MEGF11: variants seen among roughly 807,000 people sequenced by gnomAD.
MEGF11 encodes the protein multiple epidermal growth factor-like domains protein 11.
MEGF11 carries 126 observed loss-of-function variants against 146.6 expected under a neutral mutation model. The observed-to-expected ratio is 0.86, with a 90% CI of 0.74 to 1.00. The LOEUF (loss-of-function observed/expected upper bound fraction) is 1.00, where lower values mean the gene tolerates loss of function less well. Among genes scored for constraint, MEGF11 ranks in the 50% least tolerant of loss-of-function variants. The pLI is 0.00. For synonymous variants in MEGF11, 532 were observed against 583.4 expected, an observed-to-expected ratio of 0.91 and a Z score of 1.27; for missense variants, 1,509 against 1,521.2, an observed-to-expected ratio of 0.99 and a Z score of 0.13.
chr15:66,228,478 C>A (rs544675094), intron 1 of MEGF11, among the ~76,000 whole-genome samples: 1 of 152,168 alleles, frequency 6.6e-6, no homozygotes, highest in Non-Finnish European at 1.5e-5. Flanking sequence ...TGCACTCACA[C>A]ATGCACACAG....
intron 4 of MEGF11, among the ~76,000 whole-genome samples, chr15:66,105,683 A>C (rs8041596): frequency 6.6e-6 from 1 of 152,100 alleles, no homozygotes; most frequent in Non-Finnish European, 1.5e-5. Flanking sequence ...GGACTGAAGG[A>C]TGTTTGAGCC....
intron 10 of MEGF11, among the ~76,000 whole-genome samples, chr15:65,957,092 A>G (rs2080672736): frequency 6.6e-6 from 1 of 152,252 alleles, no homozygotes; most frequent in African/African-American, 2.4e-5. Flanking sequence ...ACTGGAAACA[A>G]TATTCAGCAG....
At chr15:66,148,275 T>G (rs1597121502) in intron 1 of MEGF11, among the ~76,000 whole-genome samples, 1 of 152,036 alleles carries the variant, frequency 6.6e-6, no homozygotes, top group African/African-American at 2.4e-5. Context: ...TTTAAAAGAT[T>G]GAACTGAAAA....
At chr15:66,069,654 T>G (rs1197999673) in intron 5 of MEGF11, among the ~76,000 whole-genome samples, 1 of 152,228 alleles carries the variant, frequency 6.6e-6, no homozygotes, top group African/African-American at 2.4e-5. Flanking sequence ...CTGCTACTGC[T>G]TCTATTATTA....
At chr15:66,140,530 C>T (rs934193612) in intron 1 of MEGF11, among the ~76,000 whole-genome samples, 12 of 152,160 alleles carry the variant, frequency 7.9e-5, no homozygotes, top group African/African-American at 2.7e-4. Context: ...GAAGGCAGGA[C>T]GCTTGCACCA....
intron 1 of MEGF11, among the ~76,000 whole-genome samples, chr15:66,220,678 C>CA (rs143519598): frequency 0.21 from 32,098 of 151,718 alleles, 3,850 homozygotes; most frequent in African/African-American, 0.33. Context: ...GCTGGGACTA[C>CA]AGGTGTGTGC....
intron 9 of MEGF11, among the ~76,000 whole-genome samples, chr15:65,964,239 G>C (rs2080975186): frequency 6.6e-6 from 1 of 152,272 alleles, no homozygotes; most frequent in Middle Eastern, 3.4e-3. Context: ...TTGGAAGTGG[G>C]GGGTGGAGGG....
rs1243958090 is a variant in MEGF11, at chr15:65,957,766, G to A, written c.1113-45C>T. The A allele has an allele frequency of 1.9e-6, 3 of 1,595,230 alleles. No individual in the cohort carries two copies. In the African/African-American group the frequency reaches 4.0e-5, roughly 21 times the overall value. On this transcript the variant is annotated intron_variant, in intron 9 of 25. Coordinates refer to ENST00000395614, the MANE Select transcript of MEGF11 (RefSeq NM_001385028.1). Reference sequence around the variant, plus strand: ...GTGAGAAGACAGCTTGTTCTGGGAAGCAGCCATGTCCCCGCCCTCTGTCTA... The same window carrying A: ...GTGAGAAGACAGCTTGTTCTGGGAAACAGCCATGTCCCCGCCCTCTGTCTA...
In MEGF11 at chr15:65,982,521, C is replaced by A. The variant is rs749974533; in HGVS notation, c.395-33G>T. 3 of 1,445,076 alleles carry A rather than the reference C, an allele frequency of 2.1e-6. No individual in the cohort carries two copies. In the East Asian group the frequency reaches 7.7e-5, roughly 37 times the overall value. The allele number at this position is 1,445,076 out of a possible 1,614,324, so 89.5% of individuals were successfully genotyped here. On this transcript the variant is annotated intron_variant, in intron 5 of 25. Transcript: ENST00000395614. This position sits in a 1 kb window ranked among gnomAD's most constrained non-coding sequence, Gnocchi z 5.6. ...AGACGGGACAGTCAGGGATCAGGAG[C>A]CCCGAAGGCTCTCCTTGGGGCAGGG...
At chr15:65,930,990 G>T (rs1467164631) in intron 10 of MEGF11, 47 bp from the exon 11 acceptor site, 1 of 1,492,452 alleles carries the variant, frequency 6.7e-7, no homozygotes, top group Non-Finnish European at 9.0e-7. Context: ...GCTCCATGTT[G>T]GATGGCTGTG....
chr15:66,054,301 G>C (rs930450808), intron 5 of MEGF11, among the ~76,000 whole-genome samples: 1 of 152,134 alleles, frequency 6.6e-6, no homozygotes, highest in Non-Finnish European at 1.5e-5. Context: ...GTCCCCTCTT[G>C]GTTTAAAATT....
chr15:65,990,250 T>A (rs1221117892), intron 5 of MEGF11, among the ~76,000 whole-genome samples: 1 of 151,896 alleles, frequency 6.6e-6, no homozygotes, highest in Non-Finnish European at 1.5e-5. Context: ...GCCAAAGATG[T>A]CCCCATTCAG....
intron 9 of MEGF11, among the ~76,000 whole-genome samples, chr15:65,964,480 C>G (rs779464708): frequency 6.6e-6 from 1 of 151,828 alleles, no homozygotes; most frequent in Non-Finnish European, 1.5e-5. Context: ...GCCCTGGTGC[C>G]CGTGTCTCTG....
intron 5 of MEGF11, among the ~76,000 whole-genome samples, chr15:66,010,505 G>A (rs2140109730): frequency 6.6e-6 from 1 of 152,236 alleles, no homozygotes; most frequent in Middle Eastern, 3.4e-3. Context: ...ATCTCATAAT[G>A]TTTTAAGAAG....
rs1242260970 is a variant in MEGF11 at position 66,153,487 on chromosome 15, C to T, written c.-8-25076G>A. ...ACTCGGGAGGCTGAGAGAGGAGAATCGCTTGAACCAGGGAGGCAGAGGTTG... is the reference window on the plus strand; with the variant it reads ...ACTCGGGAGGCTGAGAGAGGAGAATTGCTTGAACCAGGGAGGCAGAGGTTG... On this transcript the variant is annotated intron_variant, in intron 1 of 25. Transcript: ENST00000395614. Among the ~76,000 whole-genome samples the T allele has an allele frequency of 2.6e-5, 4 of 152,192 alleles. No individual in the cohort carries two copies. The East Asian group carries it at 5.8e-4, about 22-fold the overall frequency.
intron 5 of MEGF11, among the ~76,000 whole-genome samples, chr15:66,001,294 C>T (rs2082360159): frequency 6.6e-6 from 1 of 152,126 alleles, no homozygotes; most frequent in Admixed American, 6.5e-5. Context: ...ACATCTGTAC[C>T]TCGTGGCTCT....
chr15:66,082,425 TAAAAAAAAAAAAAAAAAAAAAAA>T (rs796328490), intron 5 of MEGF11, among the ~76,000 whole-genome samples: 9 of 15,690 alleles, frequency 5.7e-4, no homozygotes, highest in Admixed American at 2.8e-3. Context: ...CCATCTCTAC[TAAAAAAAAAAAAAAAAAAAAAAA>T]AAAAAAAAAA....
At chr15:66,040,930 C>A (rs370154080) in intron 5 of MEGF11, among the ~76,000 whole-genome samples, 2 of 150,880 alleles carry the variant, frequency 1.3e-5, no homozygotes, top group Non-Finnish European at 3.0e-5. Context: ...TTTTTTTCCC[C>A]CCCGGTTTTC....
At chr15:66,077,162 G>GGC (rs2085626209) in intron 5 of MEGF11, among the ~76,000 whole-genome samples, 1 of 152,178 alleles carries the variant, frequency 6.6e-6, no homozygotes, top group Non-Finnish European at 1.5e-5. Context: ...AGTCCAGCCT[G>GGC]GCTCCCACTC....
Sources: gnomAD v4.1 joint callset for allele counts (sites outside exome capture counted in the v4.1 genomes callset) on GRCh38, gnomAD v4.1.1 for gene constraint, Gnocchi (gnomAD v3.1) non-coding constraint, MANE v1.5 for transcripts, NCBI Gene and HGNC (gene_info 2026-07-23, HGNC 2026-07-21) for gene names.